Variants in RIN2 observed in about 807,000 individuals in gnomAD.
RIN2 encodes the protein Ras and Rab interactor 2.
A neutral mutation model predicts 78.0 loss-of-function variants in RIN2; 36 were observed. The ratio of observed to expected loss-of-function variants is 0.46; its 90% CI spans 0.35 to 0.61. The LOEUF is 0.61. RIN2 is among the 20% of genes least tolerant of loss of function. The pLI is 0.00. For synonymous variants in RIN2, 466 were observed against 466.8 expected, an observed-to-expected ratio of 1.00 and a Z score of 0.02; for missense variants, 1,087 against 1,159.7, an observed-to-expected ratio of 0.94 and a Z score of 0.91.
intron 2 of RIN2, among the ~76,000 whole-genome samples, chr20:19,828,749 C>T (rs1463565984): frequency 6.6e-6 from 1 of 152,150 alleles, no homozygotes; most frequent in South Asian, 2.1e-4. Flanking sequence ...GCATTCTAAC[C>T]GAGTGTCCCA....
chr20:19,944,474 C>T (rs1261367951), intron 4 of RIN2, among the ~76,000 whole-genome samples: 1 of 152,188 alleles, frequency 6.6e-6, no homozygotes, highest in African/African-American at 2.4e-5. Context: ...TCTGTCTCAT[C>T]CTTGATTCAT....
At chr20:19,887,711 A>G (rs1365550065) in intron 2 of RIN2, among the ~76,000 whole-genome samples, 2 of 152,214 alleles carry the variant, frequency 1.3e-5, no homozygotes, top group Non-Finnish European at 2.9e-5. Context: ...AAGAGTTTGT[A>G]TATGGAAAAC....
rs146890033 is a variant in RIN2 at position 19,794,366 on chromosome 20, G to A, written c.-162-5256G>A. The stretch of plus-strand genomic sequence containing the variant: ...AGGTCAAGAGTTCGAGCCCAGCCTG[G>A]CCAACATGGCGAAACCCCATCTCTA... On this transcript the variant is annotated intron_variant, in intron 1 of 12. Coordinates refer to ENST00000255006, the MANE Select transcript of RIN2 (RefSeq NM_018993.4). Among the ~76,000 whole-genome samples the A allele has an allele frequency of 1.8e-3, 276 of 152,174 alleles. 2 individuals carry two copies. The highest frequency in any genetic ancestry group is 6.3e-3 in the African/African-American group (262 of 41,526).
At chr20:19,793,797 G>A (rs1454605031) in intron 1 of RIN2, among the ~76,000 whole-genome samples, 2 of 152,214 alleles carry the variant, frequency 1.3e-5, no homozygotes, top group East Asian at 3.9e-4. Context: ...AGGAAAAGCT[G>A]TGGGGAAAGA....
chr20:19,981,491 A>C (rs1343133382), intron 9 of RIN2, among the ~76,000 whole-genome samples: 1 of 152,216 alleles, frequency 6.6e-6, no homozygotes, highest in Non-Finnish European at 1.5e-5. Flanking sequence ...ACCTCCCAGA[A>C]GCGGGAGGAT....
chr20:19,784,417 G>T (rs1030203305), intron 1 of RIN2, among the ~76,000 whole-genome samples: 1 of 148,468 alleles, frequency 6.7e-6, no homozygotes, highest in African/African-American at 2.6e-5. Context: ...AGAAATGCTT[G>T]TATTGTGAAG....
intron 6 of RIN2, among the ~76,000 whole-genome samples, chr20:19,963,540 T>C (rs570685374): frequency 6.7e-5 from 10 of 148,436 alleles, no homozygotes; most frequent in South Asian, 2.1e-4. Flanking sequence ...ACCCGGGAGA[T>C]GGAGGTTGCA....
At chr20:19,995,519 T>C (rs2042933140) in intron 11 of RIN2, among the ~76,000 whole-genome samples, 1 of 152,154 alleles carries the variant, frequency 6.6e-6, no homozygotes. Flanking sequence ...AATTATATGT[T>C]AGGACAAAAA....
intron 3 of RIN2, among the ~76,000 whole-genome samples, chr20:19,933,628 G>A (rs979613938): frequency 7.9e-5 from 12 of 152,044 alleles, no homozygotes; most frequent in Non-Finnish European, 1.5e-4. Context: ...AAAGTTTGTC[G>A]AAATAGTGAG....
At chr20:19,824,940 C>A (rs2036040808) in intron 2 of RIN2, among the ~76,000 whole-genome samples, 1 of 152,270 alleles carries the variant, frequency 6.6e-6, no homozygotes, top group Middle Eastern at 3.4e-3. Context: ...CTCAGTGGCC[C>A]TCTTCTCCAA....
chr20:19,823,773 C>T, intron 2 of RIN2: 3 of 1,597,484 alleles, frequency 1.9e-6, no homozygotes, highest in Non-Finnish European at 2.6e-6. Flanking sequence ...TCACTGTAAT[C>T]CTCAGGCCCT....
Position 19,975,602 on chromosome 20 carries a change from G to A in RIN2, c.1577G>A (p.Cys526Tyr), listed in dbSNP as rs2042256361. The part of the protein sequence containing the change: ...RRIAELSRDK[C>Y]TYFGCLVQDY... The stretch of plus-strand genomic sequence containing the variant: ...ATCGCCGAGCTTTCCCGGGACAAAT[G>A]CACCTACTTCGGGTGCTTAGTGCAG... Residue 526 changes from cysteine to tyrosine, a missense_variant, in exon 9 of 13, where the codon TGC (cysteine) becomes TAC (tyrosine). Physicochemically the swap from Cys to Tyr is radical, Grantham distance 194 (BLOSUM62 -2). Coordinates refer to ENST00000255006, the MANE Select transcript of RIN2 (RefSeq NM_018993.4). The surrounding 1 kb of genome is among the most constrained non-coding windows in gnomAD (Gnocchi z 4.9). 1 of 1,613,954 alleles carries A rather than the reference G, an allele frequency of 6.2e-7. No individual in the cohort carries two copies. Among genetic ancestry groups the A allele is most frequent in the Non-Finnish European group, 8.5e-7 (1 of 1,179,886 alleles).
At chr20:19,940,555 T>G (rs745826405) in intron 4 of RIN2, among the ~76,000 whole-genome samples, 12 of 152,184 alleles carry the variant, frequency 7.9e-5, no homozygotes, top group Non-Finnish European at 1.6e-4. Context: ...ATGCCTCTGC[T>G]GATCTACCAA....
chr20:19,921,424 T>A (rs754680372), intron 3 of RIN2, among the ~76,000 whole-genome samples: 6 of 152,098 alleles, frequency 3.9e-5, no homozygotes. Flanking sequence ...CTGTCCTGAT[T>A]TACCCCCTGC....
At chr20:19,790,257 C>T (rs577090977) in intron 1 of RIN2, among the ~76,000 whole-genome samples, 13 of 152,192 alleles carry the variant, frequency 8.5e-5, no homozygotes, top group African/African-American at 2.9e-4. Flanking sequence ...ATACACCCAC[C>T]GACACCAGCA....
At chr20:19,795,958 A>G (rs1235730543) in intron 1 of RIN2, among the ~76,000 whole-genome samples, 1 of 152,122 alleles carries the variant, frequency 6.6e-6, no homozygotes, top group Non-Finnish European at 1.5e-5. Context: ...GCAGTGGCTC[A>G]GCCTATAATC....
chr20:19,773,703 G>T (rs991762868), intron 1 of RIN2, among the ~76,000 whole-genome samples: 2 of 151,880 alleles, frequency 1.3e-5, no homozygotes, highest in Non-Finnish European at 2.9e-5. Flanking sequence ...TCTCTTTGGA[G>T]GTATTGATGC....
Position 19,771,400 on chromosome 20 carries a change from C to T in RIN2, c.-163+13073C>T, listed in dbSNP as rs184517197. On this transcript the variant is annotated intron_variant, in intron 1 of 12. Transcript: ENST00000255006. ...CAGGTATATGTTTCATAATATATCA[C>T]ATAACACCTCCTTTGCGTATTCCTC... is the stretch of plus-strand genomic sequence containing the variant. 7.9e-4 allele frequency among the ~76,000 whole-genome samples: 121 copies of T among 152,334 alleles called. 1 individual carries two copies. Among genetic ancestry groups the T allele is most frequent in the Admixed American group, 2.3e-3 (35 of 15,308 alleles).
At chr20:19,977,129 T>G (rs2146329771) in intron 9 of RIN2, among the ~76,000 whole-genome samples, 1 of 152,222 alleles carries the variant, frequency 6.6e-6, no homozygotes, top group South Asian at 2.1e-4. Flanking sequence ...GGAGACCATA[T>G]CTGACTCAGT....
Sources: gnomAD v4.1 joint callset for allele counts (sites outside exome capture counted in the v4.1 genomes callset) on GRCh38, gnomAD v4.1.1 for gene constraint, Gnocchi (gnomAD v3.1) non-coding constraint, MANE v1.5 for transcripts, NCBI Gene and HGNC (gene_info 2026-07-23, HGNC 2026-07-21) for gene names.